Variants in KLF15 observed in about 807,000 individuals in gnomAD.
KLF15 encodes Krueppel-like factor 15.
Under a neutral mutation model 24.6 loss-of-function variants are expected in KLF15, and 4 were observed. The ratio of observed to expected loss-of-function variants is 0.16; its 90% confidence interval spans 0.08 to 0.37. KLF15 has a LOEUF of 0.37. Ranked by LOEUF, KLF15 falls within the 10% of genes least tolerant of loss-of-function variation. The pLI, the probability that KLF15 is intolerant of heterozygous loss-of-function variation, is 1.00. For missense variants in KLF15, 496 were observed against 560.6 expected, an observed-to-expected ratio of 0.88 and a Z score of 1.16; for synonymous variants, 246 against 236.3, an observed-to-expected ratio of 1.04 and a Z score of -0.37.
chr3:126,310,166 C>T, the KLF15 span, among the ~76,000 whole-genome samples: 3 of 152,222 alleles, frequency 2.0e-5, no homozygotes, highest in South Asian at 2.1e-4. Context: ...CAGCAGGAGC[C>T]CTCCTGGCCT....
chr3:126,298,563 T>A, the KLF15 span, among the ~76,000 whole-genome samples: 1 of 151,930 alleles, frequency 6.6e-6, no homozygotes, highest in Non-Finnish European at 1.5e-5. Flanking sequence ...TCTACAAGAG[T>A]TTTTCTGATG....
At position 126,356,484 on chromosome 3, in the gene KLF15, C is replaced by T. The variant is rs754313298; in HGVS notation, c.-26+753G>A. On this transcript the variant is annotated intron_variant, in intron 1 of 2. Transcript: ENST00000296233. This position sits in a 1 kb window ranked among gnomAD's most constrained non-coding sequence, Gnocchi z 4.4. ...GACGGCCTCTCTGCCCCGCCGCCGC[C>T]ATCCCTCGGTCAGGCCATGGCTTTG... Among the ~76,000 whole-genome samples the T allele has an allele frequency of 2.9e-4, 44 of 152,144 alleles. No homozygotes were observed. Among genetic ancestry groups the T allele is most frequent in the Non-Finnish European group, 5.7e-4 (39 of 68,018 alleles).
chr3:126,327,998 T>C, the KLF15 span, among the ~76,000 whole-genome samples: 2 of 152,316 alleles, frequency 1.3e-5, no homozygotes, highest in African/African-American at 4.8e-5. Flanking sequence ...AGTTCTTTAG[T>C]GGTGATTTGT....
intron 1 of KLF15, among the ~76,000 whole-genome samples, chr3:126,353,860 G>T (rs1234904767): frequency 6.6e-6 from 1 of 152,142 alleles, no homozygotes; most frequent in Non-Finnish European, 1.5e-5. Flanking sequence ...AGACCACTGG[G>T]GTCCCAGAGC....
At chr3:126,342,021 C>T (rs779489471), downstream of KLF15, among the ~76,000 whole-genome samples, 20 of 152,142 alleles carry the variant, frequency 1.3e-4, no homozygotes, top group East Asian at 1.9e-4. Context: ...CAGCACAGGA[C>T]GTGTGGATGG....
At chr3:126,293,144 TA>T in the KLF15 span, among the ~76,000 whole-genome samples, 184 of 118,550 alleles carry the variant, frequency 1.6e-3, 1 homozygote, top group Middle Eastern at 4.3e-3. Context: ...ACTGCATCTC[TA>T]AAAAAAAAAA....
chr3:126,307,009 A>G, the KLF15 span, among the ~76,000 whole-genome samples: 2 of 152,044 alleles, frequency 1.3e-5, no homozygotes, highest in Non-Finnish European at 2.9e-5. Context: ...CAGGCCCCCC[A>G]TACTCCAGGC....
At chr3:126,319,887 A>G in the KLF15 span, among the ~76,000 whole-genome samples, 1 of 152,174 alleles carries the variant, frequency 6.6e-6, no homozygotes, top group Non-Finnish European at 1.5e-5. Flanking sequence ...GTAGGACTCC[A>G]TATGAGAGGG....
chr3:126,293,311 G>T, the KLF15 span, among the ~76,000 whole-genome samples: 2 of 152,216 alleles, frequency 1.3e-5, no homozygotes, highest in Admixed American at 1.3e-4. Flanking sequence ...GTGAGGCCCT[G>T]TCTCAAAAAG....
At chr3:126,312,813 A>C in the KLF15 span, among the ~76,000 whole-genome samples, 1 of 152,078 alleles carries the variant, frequency 6.6e-6, no homozygotes, top group South Asian at 2.1e-4. Flanking sequence ...GGTTCCCTTT[A>C]AGGCCCTGAA....
At chr3:126,353,787 G>A (rs1194450429) in intron 1 of KLF15, among the ~76,000 whole-genome samples, 2 of 152,190 alleles carry the variant, frequency 1.3e-5, no homozygotes, top group Admixed American at 1.3e-4. Context: ...CCTGCACCCT[G>A]ATGCTTGAGC....
At chr3:126,341,462 A>G (rs2082479047), downstream of KLF15, among the ~76,000 whole-genome samples, 1 of 152,200 alleles carries the variant, frequency 6.6e-6, no homozygotes, top group South Asian at 2.1e-4. Flanking sequence ...TTATGGATGA[A>G]GAAAGCCCAT....
chr3:126,296,293 C>T, the KLF15 span, among the ~76,000 whole-genome samples: 2 of 152,150 alleles, frequency 1.3e-5, no homozygotes, highest in Non-Finnish European at 2.9e-5. Flanking sequence ...CTACAAGCTC[C>T]ACCTCCCAGG....
At chr3:126,310,631 C>T in the KLF15 span, among the ~76,000 whole-genome samples, 73,817 of 151,820 alleles carry the variant, frequency 0.49, 18,746 homozygotes, top group Non-Finnish European at 0.55. Flanking sequence ...TCTCCTGCAG[C>T]CTCTCTCCTT....
At chr3:126,302,811 T>C in the KLF15 span, among the ~76,000 whole-genome samples, 1 of 152,184 alleles carries the variant, frequency 6.6e-6, no homozygotes, top group Non-Finnish European at 1.5e-5. Context: ...AGATTTCTTA[T>C]AGTAGCATAC....
chr3:126,312,709 A>G, the KLF15 span, among the ~76,000 whole-genome samples: 1 of 152,222 alleles, frequency 6.6e-6, no homozygotes, highest in East Asian at 1.9e-4. Flanking sequence ...GGCTGCTGTA[A>G]CAAAGTACGA....
the KLF15 span, among the ~76,000 whole-genome samples, chr3:126,323,447 TTATATATATATATAACATATATATG>T: frequency 1.9e-5 from 1 of 52,232 alleles, no homozygotes; most frequent in Non-Finnish European, 3.7e-5. Context: ...CATATATATG[TTATATATATATATAACATATATATG>T]TTATATATAT....
Position 126,352,327 on chromosome 3 carries a change from G to T in KLF15, c.596C>A (p.Ala199Asp). 2 of 1,575,002 alleles carry T rather than the reference G, an allele frequency of 1.3e-6. No individual in the cohort carries two copies. Among genetic ancestry groups the T allele is most frequent in the Non-Finnish European group, 1.7e-6 (2 of 1,162,300 alleles). The change falls in exon 2 of 3, where the codon GCC becomes GAC. Residue 199 changes from alanine (A) to aspartate (D), a missense_variant. Physicochemically the swap from Ala to Asp is moderately radical, Grantham distance 126. This residue lies in a region of KLF15 where 399 missense variants were observed against 423.1 expected (regional missense o/e 0.94). Coordinates refer to ENST00000296233, the MANE Select transcript of KLF15 (RefSeq NM_014079.4). ...RERCSPPPGG[A>D]SAGGAQGPGG... ...TGGGCCCTGGGCACCTCCTGCACTGGCACCACCTGGTGGAGGGGAACAGCG... is the reference window on the plus strand; with the variant it reads ...TGGGCCCTGGGCACCTCCTGCACTGTCACCACCTGGTGGAGGGGAACAGCG...
chr3:126,336,567 T>A, the KLF15 span, among the ~76,000 whole-genome samples: 1 of 73,910 alleles, frequency 1.4e-5, no homozygotes, highest in Non-Finnish European at 2.6e-5. Flanking sequence ...AAGCCAAAAT[T>A]GACAAATGGG....
Sources: gnomAD v4.1 joint callset for allele counts (sites outside exome capture counted in the v4.1 genomes callset) on GRCh38, gnomAD v4.1.1 for gene constraint, gnomAD v4.1.1 regional missense constraint, Gnocchi (gnomAD v3.1) non-coding constraint, MANE v1.5 for transcripts, NCBI Gene and HGNC (gene_info 2026-07-23, HGNC 2026-07-21) for gene names.